Variants in MKLN1 observed in about 807,000 individuals in gnomAD.
MKLN1 encodes the protein muskelin.
Under a neutral mutation model 99.0 loss-of-function variants are expected in MKLN1, and 18 were observed. The ratio of observed to expected loss-of-function variants is 0.18; its 90% CI spans 0.13 to 0.27. MKLN1 has a LOEUF of 0.27. MKLN1 is among the 10% of genes least tolerant of loss of function. MKLN1 has a pLI of 1.00. For missense variants in MKLN1, 621 were observed against 875.9 expected, an observed-to-expected ratio of 0.71 and a Z score of 3.67; for synonymous variants, 288 against 293.2, an observed-to-expected ratio of 0.98 and a Z score of 0.18.
At chr7:131,239,404 C>G (rs1306900551) in intron 3 of MKLN1, among the ~76,000 whole-genome samples, 1 of 151,898 alleles carries the variant, frequency 6.6e-6, no homozygotes, top group African/African-American at 2.4e-5. Flanking sequence ...ACTGCAGCCT[C>G]AAACTCCTGG....
chr7:131,248,041 G>A (rs1376807891), intron 3 of MKLN1, among the ~76,000 whole-genome samples: 1 of 151,516 alleles, frequency 6.6e-6, no homozygotes. Context: ...TGAGACTACT[G>A]GCATGTGCCA....
chr7:131,268,356 G>T (rs1031840945), intron 3 of MKLN1, among the ~76,000 whole-genome samples: 1 of 152,214 alleles, frequency 6.6e-6, no homozygotes, highest in Non-Finnish European at 1.5e-5. Flanking sequence ...CAAGAGGAAA[G>T]TTGGGCAAAG....
At chr7:131,306,900 A>G (rs1257567383) in intron 3 of MKLN1, among the ~76,000 whole-genome samples, 1 of 152,222 alleles carries the variant, frequency 6.6e-6, no homozygotes, top group Non-Finnish European at 1.5e-5. Flanking sequence ...AAATGTCTCC[A>G]GGGCAATTCA....
chr7:131,252,989 T>C (rs1797605666), intron 3 of MKLN1, among the ~76,000 whole-genome samples: 1 of 152,184 alleles, frequency 6.6e-6, no homozygotes, highest in South Asian at 2.1e-4. Context: ...TTTAGTGTTA[T>C]CAAGATCCTA....
At chr7:131,139,736 A>T (rs1795703477) in intron 1 of MKLN1, among the ~76,000 whole-genome samples, 1 of 152,198 alleles carries the variant, frequency 6.6e-6, no homozygotes. Flanking sequence ...ACAGTGGGCC[A>T]TGGACCAGGA....
At position 131,242,644 on chromosome 7, in the gene MKLN1, A is replaced by C; in HGVS notation, c.-179+39670A>C. On this transcript the variant is annotated intron_variant, in intron 3 of 7. Coordinates refer to the MKLN1 transcript ENST00000416992. The stretch of plus-strand genomic sequence containing the variant: ...GTGGTGCTTGTTCTGGCTGGATGCT[A>C]TTCTGGATGCAAAGCCATCATCGTG... 6 of 564,978 alleles carry C rather than the reference A, an allele frequency of 1.1e-5. 1 individual carries two copies. The highest frequency in any genetic ancestry group is 1.0e-4 in the South Asian group (6 of 58,630). The allele number at this position is 564,978 out of a possible 1,614,324, so 35.0% of individuals were successfully genotyped here.
At chr7:131,151,878 A>G (rs1299394278) in intron 2 of MKLN1, among the ~76,000 whole-genome samples, 1 of 152,228 alleles carries the variant, frequency 6.6e-6, no homozygotes, top group East Asian at 1.9e-4. Flanking sequence ...ATGGTTTATT[A>G]TAGAAAAGTG....
At chr7:131,229,406 T>C (rs995456273) in intron 3 of MKLN1, among the ~76,000 whole-genome samples, 1 of 151,964 alleles carries the variant, frequency 6.6e-6, no homozygotes, top group African/African-American at 2.4e-5. Context: ...TCTAAAGATC[T>C]GAAGTTAGTT....
intron 1 of MKLN1, among the ~76,000 whole-genome samples, chr7:131,368,711 C>T (rs867598076): frequency 6.6e-6 from 1 of 152,098 alleles, no homozygotes; most frequent in African/African-American, 2.4e-5. Flanking sequence ...TAAAATTCAA[C>T]ATGAGATTTG....
rs78630364 is a variant in MKLN1 at position 131,113,073 on chromosome 7, G to A, written c.-419+2866G>A. On this transcript the variant is annotated intron_variant, in intron 1 of 7. Coordinates refer to the MKLN1 transcript ENST00000416992. The stretch of plus-strand genomic sequence containing the variant: ...AGTTTCTGCTCTGAAGGACATTATA[G>A]TATCATGAGAACAAAGATGAATATA... Among the ~76,000 whole-genome samples the A allele has an allele frequency of 5.9e-3, 902 of 152,286 alleles. 7 individuals carry two copies. Among genetic ancestry groups the A allele is most frequent in the African/African-American group, 0.021 (870 of 41,556 alleles).
intron 3 of MKLN1, among the ~76,000 whole-genome samples, chr7:131,229,680 T>C (rs1797212571): frequency 6.6e-6 from 1 of 152,068 alleles, no homozygotes; most frequent in South Asian, 2.1e-4. Context: ...TTCCGCATCC[T>C]GAGGAGCTGG....
At chr7:131,270,086 C>G (rs1018674250) in intron 3 of MKLN1, among the ~76,000 whole-genome samples, 1 of 149,498 alleles carries the variant, frequency 6.7e-6, no homozygotes, top group Non-Finnish European at 1.5e-5. Context: ...CCACACCCAG[C>G]TAATTTTTTG....
intron 6 of MKLN1, among the ~76,000 whole-genome samples, chr7:131,409,262 C>A (rs564957371): frequency 6.6e-6 from 1 of 152,232 alleles, no homozygotes; most frequent in African/African-American, 2.4e-5. Context: ...AGGCAAAAGG[C>A]CTTATTAGCA....
intron 1 of MKLN1, among the ~76,000 whole-genome samples, chr7:131,369,447 CAG>C (rs1472900174): frequency 6.6e-6 from 1 of 152,104 alleles, no homozygotes; most frequent in East Asian, 1.9e-4. Flanking sequence ...TTCCATGACA[CAG>C]ACAATACACA....
chr7:131,196,255 G>A lies in MKLN1; in HGVS notation c.-296-6602G>A, dbSNP rs2116397880. ...ATTCCATTCCTCCTCTCAAATCCAG[G>A]ATGTCTGTGGAAATGTGGGTTCCTC... On this transcript the variant is annotated intron_variant, in intron 2 of 7. Coordinates refer to the MKLN1 transcript ENST00000416992. Among the ~76,000 whole-genome samples the A allele has an allele frequency of 1.3e-5, 2 of 152,250 alleles. 1 individual carries two copies. Among genetic ancestry groups the A allele is most frequent in the East Asian group, 3.9e-4 (2 of 5,182 alleles).
intron 1 of MKLN1, among the ~76,000 whole-genome samples, chr7:131,114,743 C>T (rs964662862): frequency 3.9e-5 from 6 of 152,098 alleles, no homozygotes; most frequent in East Asian, 1.9e-4. Flanking sequence ...GTTAGGAGTT[C>T]GAGACCAGCC....
intron 3 of MKLN1, among the ~76,000 whole-genome samples, chr7:131,255,792 G>C (rs1797648917): frequency 6.6e-6 from 1 of 152,032 alleles, no homozygotes; most frequent in South Asian, 2.1e-4. Context: ...TGTTGGCCAG[G>C]CTGGTCTTGA....
chr7:131,226,082 C>G (rs1317966302), intron 3 of MKLN1, among the ~76,000 whole-genome samples: 3 of 151,634 alleles, frequency 2.0e-5, no homozygotes, highest in African/African-American at 4.9e-5. Context: ...GACCAGCTGC[C>G]TAGGTGACAC....
At chr7:131,161,922 TATATATAC>T (rs1323762508) in intron 2 of MKLN1, among the ~76,000 whole-genome samples, 2 of 147,822 alleles carry the variant, frequency 1.4e-5, no homozygotes, top group African/African-American at 2.5e-5. Context: ...AATAGTATGT[TATATATAC>T]ATATATACAC....
Sources: allele counts gnomAD v4.1 joint callset (sites outside exome capture counted in the v4.1 genomes callset), GRCh38; gene constraint gnomAD v4.1.1; transcripts MANE v1.5; gene names NCBI Gene and HGNC (gene_info 2026-07-23, HGNC 2026-07-21).